The following USP6NL variants were observed in gnomAD, a reference collection of about 807,000 sequenced individuals.
USP6NL encodes the protein USP6 N-terminal-like protein.
A neutral mutation model predicts 61.9 loss-of-function variants in USP6NL; 26 were observed. The ratio of observed to expected loss-of-function variants is 0.42; its 90% CI spans 0.31 to 0.58. The LOEUF (loss-of-function observed/expected upper bound fraction) is 0.58. Among genes scored for constraint, USP6NL ranks in the 20% least tolerant of loss-of-function variants. The pLI, the probability that USP6NL is intolerant of heterozygous loss-of-function variation, is 0.16. For synonymous variants in USP6NL, 432 were observed against 390.1 expected (o/e 1.11, Z -1.27); for missense variants, 1,114 against 1,034.3 (o/e 1.08, Z -1.06).
intron 2 of USP6NL, among the ~76,000 whole-genome samples, chr10:11,533,708 CCT>C (rs1394332594): frequency 6.6e-6 from 1 of 152,192 alleles, no homozygotes; most frequent in African/African-American, 2.4e-5. Context: ...AGACTTCTGA[CCT>C]CCAGAACCCA....
rs771476781 is a variant in USP6NL, at chr10:11,463,638, C to T, written c.1290G>A (p.Pro430=). 3.1e-6 allele frequency: 5 copies of T among 1,613,980 alleles called. No homozygotes were observed. Among genetic ancestry groups the T allele is most frequent in the South Asian group, 2.2e-5 (2 of 91,074 alleles). The change falls in exon 15 of 15, where the codon CCG becomes CCA. Residue 430 remains proline, a synonymous_variant. Transcript: ENST00000609104. This position sits in a 1 kb window ranked among gnomAD's most constrained non-coding sequence, Gnocchi z 6.3. ...CCTCCTCCACCGATTTCCGTCTTGG[C>T]GGCTGTGCTCTCTCGGGCGTCCCGG... The part of the protein sequence containing the change: ...SRTGTPERAQ[P]PRRKSVEEES...
intron 3 of USP6NL, among the ~76,000 whole-genome samples, chr10:11,526,890 C>G (rs549502086): frequency 1.3e-5 from 2 of 152,106 alleles, no homozygotes; most frequent in East Asian, 3.8e-4. Context: ...GGAAATTATA[C>G]ACACTTGTAT....
At position 11,512,943 on chromosome 10, in the gene USP6NL, T is replaced by C. The variant is rs7893383; in HGVS notation, c.196-3268A>G. Among the ~76,000 whole-genome samples the C allele has an allele frequency of 3.3e-3, 510 of 152,318 alleles. 1 individual carries two copies. The highest frequency in any genetic ancestry group is 0.012 in the African/African-American group (497 of 41,562). ...ACTACCTAATCTTTCTGTACCTTAA[T>C]TGTCTCATCTATAAAACGAGAATTA... On this transcript the variant is annotated intron_variant, in intron 5 of 14. Coordinates refer to ENST00000609104, the MANE Select transcript of USP6NL (RefSeq NM_014688.5).
In USP6NL at chr10:11,478,380, A is replaced by T. The variant is rs1833057026; in HGVS notation, c.1078+3390T>A. Among the ~76,000 whole-genome samples, 1 of 152,208 alleles carries T rather than the reference A, an allele frequency of 6.6e-6. No homozygotes were observed. Among genetic ancestry groups the T allele is most frequent in the South Asian group, 2.1e-4 (1 of 4,826 alleles). On this transcript the variant is annotated intron_variant, in intron 14 of 14. Transcript: ENST00000609104. This position sits in a 1 kb window ranked among gnomAD's most constrained non-coding sequence, Gnocchi z 6.8. ...AGTGGGGGATGGAATGTGAGACCAG[A>T]AATGTCTTCACAGTCACATGAAGAA... is the stretch of plus-strand genomic sequence containing the variant.
chr10:11,493,937 C>T (rs550987308), intron 7 of USP6NL, among the ~76,000 whole-genome samples: 1 of 152,356 alleles, frequency 6.6e-6, no homozygotes, highest in Non-Finnish European at 1.5e-5. Flanking sequence ...TGGAGCCTCC[C>T]TTCTCCACCT....
intron 14 of USP6NL, among the ~76,000 whole-genome samples, chr10:11,466,106 T>C (rs1050966861): frequency 3.9e-5 from 6 of 152,236 alleles, no homozygotes; most frequent in Admixed American, 6.5e-5. Context: ...CAATTTTCTA[T>C]GTCTTGTGGT....
At chr10:11,573,943 T>C (rs1452225364) in intron 2 of USP6NL, 1 of 325,332 alleles carries the variant, frequency 3.1e-6, no homozygotes, top group African/African-American at 2.1e-5. Flanking sequence ...CAAAATGTAT[T>C]ACTATGCACA....
intron 2 of USP6NL, among the ~76,000 whole-genome samples, chr10:11,577,416 T>C (rs1837591604): frequency 6.6e-6 from 1 of 152,140 alleles, no homozygotes; most frequent in African/African-American, 2.4e-5. Context: ...TCTGATACTA[T>C]TGAAAACGGA....
At chr10:11,519,655 T>TA (rs1048397301) in intron 4 of USP6NL, among the ~76,000 whole-genome samples, 2 of 151,984 alleles carry the variant, frequency 1.3e-5, no homozygotes, top group African/African-American at 4.8e-5. Context: ...AATAAATAAA[T>TA]AAATAAGAAT....
Position 11,476,617 on chromosome 10 carries a change from GAT to G in USP6NL, c.1078+5151_1078+5152del, listed in dbSNP as rs1187205426. ...TTACATCATATTTCTCTGTATTTTT[GAT>G]AGTTTTCATAAGTAAAATAAAAGAT... On this transcript the variant is annotated intron_variant, in intron 14 of 14. Transcript: ENST00000609104. This position sits in a 1 kb window ranked among gnomAD's most constrained non-coding sequence, Gnocchi z 4.3. Among the ~76,000 whole-genome samples the G allele has an allele frequency of 1.3e-5, 2 of 151,986 alleles. No homozygotes were observed. The highest frequency in any genetic ancestry group is 2.9e-5 in the Non-Finnish European group (2 of 68,000).
Position 11,553,022 on chromosome 10 carries a change from CTA to C in USP6NL, c.5-25457_5-25456del, listed in dbSNP as rs1311538451. On this transcript the variant is annotated intron_variant, in intron 2 of 14. Transcript: ENST00000609104. The surrounding 1 kb of genome is among the most constrained non-coding windows in gnomAD (Gnocchi z 4.8). ...CCAATGTGTGTTCCTCTCTCTATGA[CTA>C]TGTGTACCCATTGTTTCGCTCCTAC... 6.6e-6 allele frequency among the ~76,000 whole-genome samples: 1 copy of C among 152,178 alleles called. No individual in the cohort carries two copies. The highest frequency in any genetic ancestry group is 1.9e-4 in the East Asian group (1 of 5,204).
In USP6NL at chr10:11,485,823, T is replaced by C. The variant is rs1384781560; in HGVS notation, c.753A>G (p.Gln251=). The change falls in exon 11 of 15, where the codon CAA becomes CAG. Residue 251 remains glutamine (Q), a synonymous_variant. Coordinates refer to ENST00000609104, the MANE Select transcript of USP6NL (RefSeq NM_014688.5). This position sits in a 1 kb window ranked among gnomAD's most constrained non-coding sequence, Gnocchi z 4.8. ...ILNKFLSKLK[Q]HLDSQEIYTS... The stretch of plus-strand genomic sequence containing the variant: ...CAGTGGCACATCTACCTACCAAGTG[T>C]TGCTTAAGCTTGGACAGAAATTTGT... 24 of 1,551,158 alleles carry C rather than the reference T, an allele frequency of 1.5e-5. No individual in the cohort carries two copies. The highest frequency in any genetic ancestry group is 1.9e-5 in the Non-Finnish European group (22 of 1,147,722).
intron 3 of USP6NL, among the ~76,000 whole-genome samples, chr10:11,527,049 A>G (rs907222929): frequency 4.6e-5 from 7 of 152,220 alleles, no homozygotes; most frequent in Admixed American, 1.3e-4. Context: ...TTTAGGATAC[A>G]AAAGTAAATC....
rs1838195297 is a variant in USP6NL at position 11,592,775 on chromosome 10, AC to A, written c.4+4855del. ...GAAGTCTTCTGTTACTTGGAGCACA[AC>A]TTTTTTACTTAGTAAGACTCTGAAG... is the stretch of plus-strand genomic sequence containing the variant. On this transcript the variant is annotated intron_variant, in intron 2 of 14. Transcript: ENST00000609104. The surrounding 1 kb of genome is among the most constrained non-coding windows in gnomAD (Gnocchi z 4.7). Among the ~76,000 whole-genome samples, 1 of 152,164 alleles carries A rather than the reference AC, an allele frequency of 6.6e-6. No homozygotes were observed. The highest frequency in any genetic ancestry group is 2.1e-4 in the South Asian group (1 of 4,826).
Position 11,597,746 on chromosome 10 carries a change from G to A in USP6NL, c.-83-29C>T. ...GTCAGGAAACAAAGAGAAAGAAATA[G>A]TATTTTCTAGAGGTCAATATTTAAA... is the stretch of plus-strand genomic sequence containing the variant. On this transcript the variant is annotated intron_variant, in intron 1 of 14. Transcript: ENST00000609104. This position sits in a 1 kb window ranked among gnomAD's most constrained non-coding sequence, Gnocchi z 4.6. 1.3e-6 allele frequency: 1 copy of A among 790,484 alleles called. No individual in the cohort carries two copies. Among genetic ancestry groups the A allele is most frequent in the Non-Finnish European group, 2.1e-6 (1 of 476,506 alleles). 49.0% of individuals were successfully genotyped at this position (790,484 alleles called of 1,614,324 possible). A position where few individuals can be genotyped will look rare whatever the true frequency, so the allele number is the denominator to read the frequency against.
chr10:11,517,571 T>C (rs773062794), intron 5 of USP6NL, among the ~76,000 whole-genome samples: 5 of 152,194 alleles, frequency 3.3e-5, no homozygotes, highest in Non-Finnish European at 5.9e-5. Flanking sequence ...AACAAAGGTA[T>C]TCATTTGCTG....
intron 5 of USP6NL, among the ~76,000 whole-genome samples, chr10:11,515,362 C>T (rs1390549968): frequency 6.6e-6 from 1 of 152,212 alleles, no homozygotes; most frequent in African/African-American, 2.4e-5. Context: ...AGATTCAAGT[C>T]TTCAGATGCT....
At chr10:11,527,604 T>G in intron 2 of USP6NL, 37 bp from the exon 3 acceptor site, 1 of 1,556,990 alleles carries the variant, frequency 6.4e-7, no homozygotes, top group Non-Finnish European at 8.8e-7. Context: ...GAATTGTCAT[T>G]GAAAGAATCG....
Position 11,576,054 on chromosome 10 carries a change from G to A in USP6NL, c.4+21577C>T, listed in dbSNP as rs545370046. ...AGGATATATACTTCAAAATAGTTAC[G>A]GGTAAATACTTCAACTCACTCTCTA... On this transcript the variant is annotated intron_variant, in intron 2 of 14. Transcript: ENST00000609104. Among the ~76,000 whole-genome samples the A allele has an allele frequency of 9.9e-5, 15 of 151,270 alleles. No individual in the cohort carries two copies. In the South Asian group the frequency reaches 1.3e-3, roughly 13 times the overall value.
Sources: gnomAD v4.1 joint callset for allele counts (sites outside exome capture counted in the v4.1 genomes callset) on GRCh38, gnomAD v4.1.1 for gene constraint, Gnocchi (gnomAD v3.1) non-coding constraint, MANE v1.5 for transcripts, NCBI Gene and HGNC (gene_info 2026-07-23, HGNC 2026-07-21) for gene names.